STX16: variants seen among roughly 807,000 people sequenced by gnomAD.
STX16 encodes syntaxin-16.
In STX16, 28 loss-of-function variants were observed where a neutral mutation model predicts 42.7. The ratio of observed to expected loss-of-function variants is 0.66; its 90% CI spans 0.49 to 0.90. The LOEUF (loss-of-function observed/expected upper bound fraction) is 0.90. Among genes scored for constraint, STX16 ranks in the 40% least tolerant of loss-of-function variants. The pLI, the probability that STX16 is intolerant of heterozygous loss-of-function variation, is 0.00. For missense variants in STX16, 361 were observed against 420.9 expected, an observed-to-expected ratio of 0.86 and a Z score of 1.24; for synonymous variants, 156 against 155.2, an observed-to-expected ratio of 1.00 and a Z score of -0.04.
rs1394537903 is a variant in STX16 at position 58,679,514 on chromosome 20, G to C, written c.*3223G>C. The C allele has an allele frequency of 6.6e-6, 1 of 152,602 alleles. No homozygotes were observed. Among genetic ancestry groups the C allele is most frequent in the East Asian group, 1.9e-4 (1 of 5,196 alleles). 9.5% of individuals were successfully genotyped at this position (152,602 alleles called of 1,614,324 possible). A position where few individuals can be genotyped will look rare whatever the true frequency, so the allele number is the denominator to read the frequency against. Reference sequence around the variant, plus strand: ...GATTAAAGAACATCCTGCAATCCTAGTATTAATTTTAACAATGGGTTCATG... The same window carrying C: ...GATTAAAGAACATCCTGCAATCCTACTATTAATTTTAACAATGGGTTCATG... On this transcript the variant is annotated 3_prime_UTR_variant, in exon 9 of 9. Transcript: ENST00000371141.
rs1001091241 is a variant in STX16 at position 58,663,173 on chromosome 20, C to G, written c.144+3539C>G. Among the ~76,000 whole-genome samples the G allele has an allele frequency of 7.9e-5, 12 of 152,264 alleles. No individual in the cohort carries two copies. In the East Asian group the frequency reaches 2.3e-3, roughly 29 times the overall value. On this transcript the variant is annotated intron_variant, in intron 2 of 8. Coordinates refer to ENST00000371141, the MANE Select transcript of STX16 (RefSeq NM_001001433.3). Reference sequence around the variant, plus strand: ...TCATTACCAATGCGTTACGGCTAAACTTAGTTGATTTTTTTAGATGGGGAG... The same window carrying G: ...TCATTACCAATGCGTTACGGCTAAAGTTAGTTGATTTTTTTAGATGGGGAG...
rs2083877993 is a variant in STX16 at position 58,668,029 on chromosome 20, T to C, written c.295T>C (p.Leu99=). Residue 99 remains leucine, a synonymous_variant, in exon 4 of 9, where the codon TTG becomes CTG. Transcript: ENST00000371141. ...CCGGATTAAGCAGAAGATGAAAGAA[T>C]TGGCCAGCCTTCATGACAAGCATTT... ...VGRIKQKMKE[L]ASLHDKHLNR... The C allele has an allele frequency of 6.2e-7, 1 of 1,614,220 alleles. No homozygotes were observed. Among genetic ancestry groups the C allele is most frequent in the Non-Finnish European group, 8.5e-7 (1 of 1,180,044 alleles).
rs1239760347 is a variant in STX16, at chr20:58,656,250, T to A, written c.133-3373T>A. Among the ~76,000 whole-genome samples the A allele has an allele frequency of 2.0e-5, 3 of 152,224 alleles. No homozygotes were observed. In the East Asian group the frequency reaches 5.8e-4, roughly 29 times the overall value. On this transcript the variant is annotated intron_variant, in intron 1 of 8. Coordinates refer to ENST00000371141, the MANE Select transcript of STX16 (RefSeq NM_001001433.3). ...ATACATTGTTTCTCCTGACTTTAGCTTTAATTTGAAAAGGAGAAATTCATA... is the reference window on the plus strand; with the variant it reads ...ATACATTGTTTCTCCTGACTTTAGCATTAATTTGAAAAGGAGAAATTCATA...
At chr20:58,653,288 T>G (rs1026803724) in intron 1 of STX16, among the ~76,000 whole-genome samples, 2 of 152,226 alleles carry the variant, frequency 1.3e-5, no homozygotes, top group Admixed American at 6.5e-5. Context: ...ATCTAAATGC[T>G]TCAGGAAAAT....
intron 8 of STX16, 120 bp from the exon 9 acceptor site, chr20:58,676,060 ATGTAGCC>A (rs1161874623): frequency 6.9e-6 from 5 of 721,788 alleles, no homozygotes; most frequent in Non-Finnish European, 1.2e-5. Flanking sequence ...GATTACAATC[ATGTAGCC>A]TGTAGCAGAG....
At chr20:58,675,165 C>A (rs1568831362) in intron 8 of STX16, among the ~76,000 whole-genome samples, 1 of 152,104 alleles carries the variant, frequency 6.6e-6, no homozygotes. Flanking sequence ...ACCGGACTCT[C>A]GGTGCTGTCC....
At chr20:58,675,060 C>T (rs2084070687) in intron 8 of STX16, among the ~76,000 whole-genome samples, 1 of 152,114 alleles carries the variant, frequency 6.6e-6, no homozygotes, top group African/African-American at 2.4e-5. Context: ...CAGCGTGCTC[C>T]ATCTTCCCTC....
chr20:58,652,695 G>C (rs2083497431), intron 1 of STX16, among the ~76,000 whole-genome samples: 1 of 152,034 alleles, frequency 6.6e-6, no homozygotes, highest in Non-Finnish European at 1.5e-5. Context: ...CTTGTTCCCT[G>C]TGAATAATTG....
rs1223886919 is a variant in STX16, at chr20:58,676,873, T to TC, written c.*583dup. The TC allele has an allele frequency of 6.5e-6, 1 of 152,676 alleles. No homozygotes were observed. The highest frequency in any genetic ancestry group is 1.5e-5 in the Non-Finnish European group (1 of 68,050). The allele number at this position is 152,676 out of a possible 1,614,324, so 9.5% of individuals were successfully genotyped here. A position where few individuals can be genotyped will look rare whatever the true frequency, so the allele number is the denominator to read the frequency against. On this transcript the variant is annotated 3_prime_UTR_variant, in exon 9 of 9. Transcript: ENST00000371141. ...TTAGCTTTTCCATCACTGTTAATGATCAGAGTAACAAAGTGTGAAAAATAA... is the reference window on the plus strand; with the variant it reads ...TTAGCTTTTCCATCACTGTTAATGATCCAGAGTAACAAAGTGTGAAAAATAA...
intron 1 of STX16, among the ~76,000 whole-genome samples, chr20:58,656,613 T>G (rs1015984547): frequency 6.6e-6 from 1 of 152,258 alleles, no homozygotes; most frequent in Non-Finnish European, 1.5e-5. Context: ...TAGTGTTTAC[T>G]GCCTAATCTA....
Position 58,657,165 on chromosome 20 carries a change from T to C in STX16, c.133-2458T>C, listed in dbSNP as rs2083603613. Among the ~76,000 whole-genome samples, 1 of 152,250 alleles carries C rather than the reference T, an allele frequency of 6.6e-6. No individual in the cohort carries two copies. The highest frequency in any genetic ancestry group is 1.5e-5 in the Non-Finnish European group (1 of 68,054). ...AGGCTAGCATCTTTCTTTATCTCAC[T>C]TTATGAACCTTACATAGTCAATTTT... On this transcript the variant is annotated intron_variant, in intron 1 of 8. Coordinates refer to ENST00000371141, the MANE Select transcript of STX16 (RefSeq NM_001001433.3). This position sits in a 1 kb window ranked among gnomAD's most constrained non-coding sequence, Gnocchi z 4.2.
intron 4 of STX16, 124 bp from the exon 5 acceptor site, chr20:58,669,167 C>A: frequency 2.0e-6 from 2 of 1,009,820 alleles, no homozygotes; most frequent in Non-Finnish European, 2.9e-6. Flanking sequence ...TATCTGTTCA[C>A]CTTTCTCTAA....
chr20:58,652,371 ACCC>A, intron 1 of STX16: 6 of 458,752 alleles, frequency 1.3e-5, no homozygotes, highest in South Asian at 3.8e-5. Context: ...CTTCCGCAGC[ACCC>A]CCCCCCCCGC....
rs958537224 is a variant in STX16, at chr20:58,679,438, A to G, written c.*3147A>G. 1 of 152,574 alleles carries G rather than the reference A, an allele frequency of 6.6e-6. No individual in the cohort carries two copies. Among genetic ancestry groups the G allele is most frequent in the Non-Finnish European group, 1.5e-5 (1 of 67,998 alleles). The allele number at this position is 152,574 out of a possible 1,614,324, so 9.5% of individuals were successfully genotyped here. ...AAAATGACTTTTTTGTCCTTTTTTA[A>G]AACCAATTTACTGTTACTGGAAACT... On this transcript the variant is annotated 3_prime_UTR_variant, in exon 9 of 9. Coordinates refer to ENST00000371141, the MANE Select transcript of STX16 (RefSeq NM_001001433.3).
At chr20:58,661,774 C>T (rs218475) in intron 2 of STX16, among the ~76,000 whole-genome samples, 3 of 151,984 alleles carry the variant, frequency 2.0e-5, no homozygotes, top group East Asian at 1.9e-4. Context: ...TTGAAGCTGA[C>T]GCAGGGCCTC....
chr20:58,653,942 G>GTT (rs1169022333), intron 1 of STX16, among the ~76,000 whole-genome samples: 4 of 151,222 alleles, frequency 2.6e-5, no homozygotes, highest in African/African-American at 9.7e-5. Flanking sequence ...CTCTGAATCA[G>GTT]ACCACTTTAG....
rs1422163399 is a variant in STX16 at position 58,671,426 on chromosome 20, ATGTGTGTGTGGGTG to A, written c.792+140_792+153del. 334 of 476,836 alleles carry A rather than the reference ATGTGTGTGTGGGTG, an allele frequency of 7.0e-4. 2 individuals are homozygous for A. Among genetic ancestry groups the A allele is most frequent in the Middle Eastern group, 6.9e-3 (12 of 1,748 alleles). 29.5% of individuals were successfully genotyped at this position (476,836 alleles called of 1,614,324 possible). ...CAACATGTGTGTGCACCTGTCCTTT[ATGTGTGTGTGGGTG>A]TGTGTGTGTGTGTGTGTGTGTGTGT... On this transcript the variant is annotated intron_variant, in intron 7 of 8. Transcript: ENST00000371141.
chr20:58,656,105 C>T (rs543435150), intron 1 of STX16, among the ~76,000 whole-genome samples: 1 of 152,318 alleles, frequency 6.6e-6, no homozygotes, highest in Admixed American at 6.5e-5. Context: ...AGAGTGTGTC[C>T]TTAGGCAAGC....
chr20:58,654,436 T>C (rs894862961), intron 1 of STX16, among the ~76,000 whole-genome samples: 1 of 152,208 alleles, frequency 6.6e-6, no homozygotes, highest in Admixed American at 6.5e-5. Context: ...TTACAGGTGA[T>C]TCGTAACAAA....
Sources: allele counts gnomAD v4.1 joint callset (sites outside exome capture counted in the v4.1 genomes callset), GRCh38; gene constraint gnomAD v4.1.1; non-coding constraint Gnocchi (gnomAD v3.1); transcripts MANE v1.5; gene names NCBI Gene and HGNC (gene_info 2026-07-23, HGNC 2026-07-21).